The following YY1 variants were observed in gnomAD, a reference collection of about 807,000 sequenced individuals.
YY1 encodes the protein YY1 transcription factor.
A neutral mutation model predicts 35.6 loss-of-function variants in YY1; 2 were observed. The ratio of observed to expected loss-of-function variants is 0.06; its 90% CI spans 0.02 to 0.18. The LOEUF is 0.18. YY1 is among the 10% of genes least tolerant of loss of function. YY1 has a pLI of 1.00. For synonymous variants in YY1, 268 were observed against 238.9 expected, an observed-to-expected ratio of 1.12 and a Z score of -1.12; for missense variants, 322 against 573.4, an observed-to-expected ratio of 0.56 and a Z score of 4.48.
At chr14:100,243,922 G>A (rs1312765365) in intron 1 of YY1, among the ~76,000 whole-genome samples, 6 of 152,042 alleles carry the variant, frequency 3.9e-5, no homozygotes, top group African/African-American at 1.4e-4. Flanking sequence ...TGCCTAACAC[G>A]GTAAAACCCT....
intron 1 of YY1, among the ~76,000 whole-genome samples, chr14:100,253,527 C>T (rs528766808): frequency 3.0e-4 from 46 of 152,282 alleles, no homozygotes; most frequent in Admixed American, 6.5e-4. Context: ...AAGCTATTCT[C>T]CCACCTCAGC....
chr14:100,268,364 G>C (rs1203289386), intron 2 of YY1, among the ~76,000 whole-genome samples: 1 of 152,224 alleles, frequency 6.6e-6, no homozygotes, highest in African/African-American at 2.4e-5. Context: ...ACAGTCTATG[G>C]ATGACTTTTT....
intron 2 of YY1, among the ~76,000 whole-genome samples, chr14:100,270,108 A>G (rs975566509): frequency 2.0e-5 from 3 of 151,224 alleles, no homozygotes; most frequent in African/African-American, 7.3e-5. Flanking sequence ...TAAAAATACA[A>G]AAAAATTAGC....
intron 1 of YY1, among the ~76,000 whole-genome samples, chr14:100,254,940 ATTTTTTTTTTTT>A (rs35165026): frequency 2.4e-4 from 7 of 29,588 alleles, no homozygotes; most frequent in Middle Eastern, 0.05. Context: ...CGCCCAGCTA[ATTTTTTTTTTTT>A]TTTTTTTTTT....
rs1285226487 is a variant in YY1, at chr14:100,270,707, A to G, written c.843-3991A>G. 2.0e-5 allele frequency among the ~76,000 whole-genome samples: 3 copies of G among 152,028 alleles called. No individual in the cohort carries two copies. In the East Asian group the frequency reaches 5.8e-4, roughly 29 times the overall value. ...ATTTAATTTGCATATGGTAAAGTCT[A>G]CCCCCCTTTTAGGTATGTATGTACT... is the stretch of plus-strand genomic sequence containing the variant. On this transcript the variant is annotated intron_variant, in intron 2 of 4. Coordinates refer to ENST00000262238, the MANE Select transcript of YY1 (RefSeq NM_003403.5).
rs913429163 is a variant in YY1 at position 100,276,663 on chromosome 14, C to T, written c.1062+15C>T. On this transcript the variant is annotated intron_variant, in intron 4 of 4. Coordinates refer to ENST00000262238, the MANE Select transcript of YY1 (RefSeq NM_003403.5). The surrounding 1 kb of genome is among the most constrained non-coding windows in gnomAD (Gnocchi z 4.1). ...AGCCCTTTCAGGTAGAGCCAGTTCC[C>T]TCTCTTCCCCACACTGCCTTGCCTG... is the stretch of plus-strand genomic sequence containing the variant. 3.1e-6 allele frequency: 5 copies of T among 1,613,984 alleles called. No individual in the cohort carries two copies. The African/African-American group carries it at 6.7e-5, about 22-fold the overall frequency.
At chr14:100,261,943 G>A (rs1459208201) in intron 1 of YY1, among the ~76,000 whole-genome samples, 1 of 152,146 alleles carries the variant, frequency 6.6e-6, no homozygotes, top group Non-Finnish European at 1.5e-5. Context: ...GAGTGCATGT[G>A]TTCCAGACCA....
chr14:100,259,005 T>C (rs1891043135), intron 1 of YY1, among the ~76,000 whole-genome samples: 1 of 152,196 alleles, frequency 6.6e-6, no homozygotes, highest in African/African-American at 2.4e-5. Flanking sequence ...GATTTCGTTT[T>C]GGTTTGGTTG....
intron 2 of YY1, among the ~76,000 whole-genome samples, chr14:100,264,994 A>G (rs1891133023): frequency 6.6e-6 from 1 of 151,908 alleles, no homozygotes; most frequent in Non-Finnish European, 1.5e-5. Context: ...GCTGAGTGGG[A>G]GGATCGTTTG....
intron 1 of YY1, among the ~76,000 whole-genome samples, chr14:100,261,670 C>T (rs1037061174): frequency 4.6e-5 from 7 of 152,034 alleles, no homozygotes; most frequent in Admixed American, 3.3e-4. Context: ...GAATAAACAC[C>T]TTGAGGTTAG....
Position 100,276,910 on chromosome 14 carries a change from G to A in YY1, c.1062+262G>A, listed in dbSNP as rs1891328160. On this transcript the variant is annotated intron_variant, in intron 4 of 4. Coordinates refer to ENST00000262238, the MANE Select transcript of YY1 (RefSeq NM_003403.5). This position sits in a 1 kb window ranked among gnomAD's most constrained non-coding sequence, Gnocchi z 4.1. Reference sequence around the variant, plus strand: ...TTTATGGCAGGAGGAGAACAGGATTGAAGAGCATACCTAAAACTCAATTTC... The same window carrying A: ...TTTATGGCAGGAGGAGAACAGGATTAAAGAGCATACCTAAAACTCAATTTC... 1 of 530,536 alleles carries A rather than the reference G, an allele frequency of 1.9e-6. No homozygotes were observed. Among genetic ancestry groups the A allele is most frequent in the Admixed American group, 3.2e-5 (1 of 31,394 alleles). 32.9% of individuals were successfully genotyped at this position (530,536 alleles called of 1,614,324 possible).
intron 2 of YY1, chr14:100,263,687 T>C (rs1465358283): frequency 6.6e-6 from 1 of 152,176 alleles, no homozygotes; most frequent in Non-Finnish European, 1.5e-5. Context: ...AGAAATCCTT[T>C]TGATCTTGCA....
chr14:100,239,728 G>A lies in YY1; in HGVS notation c.484G>A (p.Gly162Ser). The change falls in exon 1 of 5, where the codon GGC becomes AGC. Residue 162 changes from glycine (G) to serine (S), a missense_variant. Coordinates refer to ENST00000262238, the MANE Select transcript of YY1 (RefSeq NM_003403.5). ...TVAAAGKSGGGGSSSSGGGRV... is the reference protein window; with the variant it reads ...TVAAAGKSGGSGSSSSGGGRV... ...GGCGGCGGCCGGCAAGAGCGGCGGCGGCGGCTCGTCGTCGTCGGGAGGCGG... is the reference window on the plus strand; with the variant it reads ...GGCGGCGGCCGGCAAGAGCGGCGGCAGCGGCTCGTCGTCGTCGGGAGGCGG... The A allele has an allele frequency of 6.3e-7, 1 of 1,596,020 alleles. No individual in the cohort carries two copies. Among genetic ancestry groups the A allele is most frequent in the Non-Finnish European group, 8.5e-7 (1 of 1,175,728 alleles).
intron 1 of YY1, among the ~76,000 whole-genome samples, chr14:100,248,124 T>TTTTTTTTC (rs1555369348): frequency 7.1e-6 from 1 of 141,466 alleles, no homozygotes; most frequent in East Asian, 2.0e-4. Context: ...TTTTTTTCTT[T>TTTTTTTTC]TTTTTTTTTT....
intron 2 of YY1, among the ~76,000 whole-genome samples, chr14:100,271,820 T>G (rs1317142277): frequency 6.6e-6 from 1 of 152,090 alleles, no homozygotes; most frequent in African/African-American, 2.4e-5. Flanking sequence ...AACTTTTTAT[T>G]TTTTTTAGAG....
At chr14:100,261,283 A>G (rs1891083415) in intron 1 of YY1, among the ~76,000 whole-genome samples, 1 of 151,614 alleles carries the variant, frequency 6.6e-6, no homozygotes. Flanking sequence ...TCTGCCTCCC[A>G]GTTCAAGCAA....
At chr14:100,241,739 C>T (rs1183292967) in intron 1 of YY1, among the ~76,000 whole-genome samples, 4 of 152,176 alleles carry the variant, frequency 2.6e-5, no homozygotes, top group Non-Finnish European at 4.4e-5. Context: ...GTTTGGGAGG[C>T]TGAGGCCGGT....
At chr14:100,248,735 T>C (rs1466033915) in intron 1 of YY1, among the ~76,000 whole-genome samples, 2 of 149,040 alleles carry the variant, frequency 1.3e-5, no homozygotes, top group African/African-American at 5.0e-5. Context: ...TCACCCAGGC[T>C]GGAGTGCACT....
chr14:100,245,564 C>G (rs1452417101), intron 1 of YY1, among the ~76,000 whole-genome samples: 2 of 152,026 alleles, frequency 1.3e-5, no homozygotes, highest in Non-Finnish European at 2.9e-5. Flanking sequence ...TATTTTTTCC[C>G]TAGATACTAA....
Sources: allele counts gnomAD v4.1 joint callset (sites outside exome capture counted in the v4.1 genomes callset), GRCh38; gene constraint gnomAD v4.1.1; non-coding constraint Gnocchi (gnomAD v3.1); transcripts MANE v1.5; gene names NCBI Gene and HGNC (gene_info 2026-07-23, HGNC 2026-07-21).